The following ARID5B variants were observed in gnomAD, a reference collection of about 807,000 sequenced individuals.
ARID5B encodes AT-rich interaction domain 5B.
ARID5B carries 13 observed loss-of-function variants against 97.2 expected under a neutral mutation model. The observed-to-expected ratio is 0.13, with a 90% CI of 0.09 to 0.21. The LOEUF (loss-of-function observed/expected upper bound fraction) is 0.21. Ranked by LOEUF, ARID5B falls within the 10% of genes least tolerant of loss-of-function variation. ARID5B has a pLI of 1.00. For synonymous variants in ARID5B, 556 were observed against 570.3 expected (o/e 0.97, Z 0.36); for missense variants, 1,210 against 1,465.3 (o/e 0.83, Z 2.84).
chr10:62,022,690 T>G (rs1351072310), intron 4 of ARID5B, among the ~76,000 whole-genome samples: 1 of 152,222 alleles, frequency 6.6e-6, no homozygotes, highest in African/African-American at 2.4e-5. Context: ...GGCTGTGGAT[T>G]TCCTATCATT....
intron 3 of ARID5B, among the ~76,000 whole-genome samples, chr10:61,955,008 A>G (rs1357000107): frequency 6.7e-6 from 1 of 148,456 alleles, no homozygotes; most frequent in Non-Finnish European, 1.5e-5. Flanking sequence ...CTCCATCTCA[A>G]AAAAAAAAAA....
At chr10:61,975,676 G>C (rs143031822) in intron 3 of ARID5B, among the ~76,000 whole-genome samples, 11 of 152,214 alleles carry the variant, frequency 7.2e-5, no homozygotes, top group Non-Finnish European at 1.0e-4. Flanking sequence ...TATTGCATGA[G>C]TACCATCATT....
chr10:62,051,630 A>G (rs1034662550), intron 5 of ARID5B, among the ~76,000 whole-genome samples: 17 of 152,234 alleles, frequency 1.1e-4, no homozygotes, highest in African/African-American at 4.1e-4. Flanking sequence ...TTACCTAAGC[A>G]TTCTTTGGAA....
At chr10:62,029,013 A>G (rs1210676515) in intron 4 of ARID5B, among the ~76,000 whole-genome samples, 1 of 151,970 alleles carries the variant, frequency 6.6e-6, no homozygotes, top group Admixed American at 6.6e-5. Context: ...AATATTTGCA[A>G]GAGATTTACA....
At chr10:62,012,347 TACAAAACAAA>T (rs370186883) in intron 4 of ARID5B, among the ~76,000 whole-genome samples, 7 of 152,088 alleles carry the variant, frequency 4.6e-5, no homozygotes, top group African/African-American at 1.2e-4. Flanking sequence ...ATCCCTTCTC[TACAAAACAAA>T]ACAAAACAAA....
At chr10:62,074,841 TAATAAGCACAGCAATTGCG>T (rs1291370476) in intron 8 of ARID5B, among the ~76,000 whole-genome samples, 1 of 152,216 alleles carries the variant, frequency 6.6e-6, no homozygotes, top group Non-Finnish European at 1.5e-5. Flanking sequence ...CATAACAAGC[TAATAAGCACAGCAATTGCG>T]AATAAGCATT....
chr10:61,954,384 A>T (rs1176606231), intron 3 of ARID5B, among the ~76,000 whole-genome samples: 3 of 151,570 alleles, frequency 2.0e-5, no homozygotes, highest in East Asian at 1.9e-4. Context: ...AATAAATAAA[A>T]ATAAAATAAA....
chr10:62,011,186 C>T (rs567229379), intron 4 of ARID5B, among the ~76,000 whole-genome samples: 5 of 152,238 alleles, frequency 3.3e-5, no homozygotes, highest in African/African-American at 9.6e-5. Flanking sequence ...GCACTTTCCT[C>T]GTCCGGTCCC....
intron 3 of ARID5B, among the ~76,000 whole-genome samples, chr10:61,974,220 A>G (rs766177490): frequency 6.6e-6 from 1 of 152,250 alleles, no homozygotes; most frequent in African/African-American, 2.4e-5. Flanking sequence ...CATTATTTGT[A>G]CAAATAACGC....
At chr10:61,989,985 T>C (rs1461650032) in intron 3 of ARID5B, among the ~76,000 whole-genome samples, 1 of 152,214 alleles carries the variant, frequency 6.6e-6, no homozygotes, top group East Asian at 1.9e-4. Context: ...TGCTGGCTCA[T>C]TCTTGGGCAG....
Position 62,091,509 on chromosome 10 carries a change from C to A in ARID5B, c.2046C>A (p.Gly682=). The A allele has an allele frequency of 6.2e-7, 1 of 1,613,610 alleles. No individual in the cohort carries two copies. The highest frequency in any genetic ancestry group is 1.7e-5 in the Admixed American group (1 of 59,920). Residue 682 remains glycine, a synonymous_variant, in exon 10 of 10, where the codon GGC becomes GGA. Coordinates refer to ENST00000279873, the MANE Select transcript of ARID5B (RefSeq NM_032199.3). ...LNYTPLLYSR[G]NPGIMSPLAK... ...ACACGCCCCTGCTCTACTCTAGGGG[C>A]AACCCAGGCATCATGTCCCCACTGG... is the stretch of plus-strand genomic sequence containing the variant.
At chr10:61,904,253 G>T (rs1224854343) in intron 2 of ARID5B, among the ~76,000 whole-genome samples, 11 of 152,082 alleles carry the variant, frequency 7.2e-5, no homozygotes, top group Admixed American at 7.2e-4. Flanking sequence ...TGTTTTATGG[G>T]ATATTTTGTG....
rs1181013461 is a variant in ARID5B at position 62,008,067 on chromosome 10, C to T, written c.733+7746C>T. Among the ~76,000 whole-genome samples, 26 of 135,000 alleles carry T rather than the reference C, an allele frequency of 1.9e-4. No homozygotes were observed. The East Asian group carries it at 6.1e-3, about 32-fold the overall frequency. 88.6% of individuals were successfully genotyped at this position (135,000 alleles called of 152,430 possible). On this transcript the variant is annotated intron_variant, in intron 4 of 9. Transcript: ENST00000279873. ...CCCACCTCCCCCGCCCCACAACACA[C>T]ACACACACACACACACACACACACA...
chr10:61,915,961 G>T (rs898862291), intron 2 of ARID5B, among the ~76,000 whole-genome samples: 3 of 152,142 alleles, frequency 2.0e-5, no homozygotes, highest in African/African-American at 7.2e-5. Context: ...TCACCATGTT[G>T]GTCAGGCAGG....
Position 62,050,910 on chromosome 10 carries a change from A to G in ARID5B, c.756A>G (p.Pro252=), listed in dbSNP as rs756332840. Residue 252 remains proline (P), a synonymous_variant, in exon 5 of 10, where the codon CCA becomes CCG. Transcript: ENST00000279873. ...DEFAPNLKGR[P]RKKKPCPQRR... is the part of the protein sequence containing the mutation. ...CAGCGCCAAATCTTAAAGGCAGACC[A>G]CGCAAAAAGAAACCATGCCCACAAA... 6 of 1,614,190 alleles carry G rather than the reference A, an allele frequency of 3.7e-6. No homozygotes were observed. The highest frequency in any genetic ancestry group is 2.2e-5 in the South Asian group (2 of 91,080).
chr10:62,075,652 A>C (rs1351742708), intron 8 of ARID5B, among the ~76,000 whole-genome samples: 2 of 152,140 alleles, frequency 1.3e-5, no homozygotes, highest in Non-Finnish European at 2.9e-5. Flanking sequence ...TTCCTGTTCC[A>C]TTCAACCAAG....
In ARID5B at chr10:61,940,455, T is replaced by C. The variant is rs757687183; in HGVS notation, c.502+47T>C. 1.1e-5 allele frequency: 16 copies of C among 1,514,810 alleles called. No individual in the cohort carries two copies. In the South Asian group the frequency reaches 1.6e-4, roughly 15 times the overall value. 93.8% of individuals were successfully genotyped at this position (1,514,810 alleles called of 1,614,324 possible). A position where few individuals can be genotyped will look rare whatever the true frequency, so the allele number is the denominator to read the frequency against. On this transcript the variant is annotated intron_variant, in intron 3 of 9. Coordinates refer to ENST00000279873, the MANE Select transcript of ARID5B (RefSeq NM_032199.3). ...AAATCTAATGTGTGGGCGTATATAG[T>C]AACTTTTCGGTTGAAGATTTTTCTG...
At chr10:61,949,948 G>T (rs1236697741) in intron 3 of ARID5B, among the ~76,000 whole-genome samples, 3 of 152,064 alleles carry the variant, frequency 2.0e-5, no homozygotes, top group Admixed American at 2.0e-4. Context: ...CAGTAATTCT[G>T]TTTGCATTTG....
At chr10:62,086,991 G>C (rs1476558924) in intron 9 of ARID5B, among the ~76,000 whole-genome samples, 1 of 152,060 alleles carries the variant, frequency 6.6e-6, no homozygotes, top group African/African-American at 2.4e-5. Flanking sequence ...GCCATGGGTT[G>C]AGACCAATTT....
Sources: gnomAD v4.1 joint callset for allele counts (sites outside exome capture counted in the v4.1 genomes callset) on GRCh38, gnomAD v4.1.1 for gene constraint, MANE v1.5 for transcripts, NCBI Gene and HGNC (gene_info 2026-07-23, HGNC 2026-07-21) for gene names.